The following SAMD10 variants were observed in gnomAD, a reference collection of about 807,000 sequenced individuals.
The protein encoded by SAMD10 is sterile alpha motif domain-containing protein 10.
A neutral mutation model predicts 22.5 loss-of-function variants in SAMD10; 16 were observed. The ratio of observed to expected loss-of-function variants is 0.71; its 90% CI spans 0.48 to 1.08. The LOEUF is 1.08. Ranked by LOEUF, SAMD10 falls within the 50% of genes least tolerant of loss-of-function variation. SAMD10 has a pLI of 0.00. For missense variants in SAMD10, 227 were observed against 281.3 expected, an observed-to-expected ratio of 0.81 and a Z score of 1.38; for synonymous variants, 118 against 122.2, an observed-to-expected ratio of 0.97 and a Z score of 0.23.
Position 63,979,299 on chromosome 20 carries a change from C to A in SAMD10, c.91+78G>T. On this transcript the variant is annotated intron_variant, in intron 1 of 4. Transcript: ENST00000369886. The surrounding 1 kb of genome is among the most constrained non-coding windows in gnomAD (Gnocchi z 7.7). ...CACCGCCGCTCGAAGCCCGCCGGGT[C>A]CCGCCCCGCCCCCGTGCCTCTGGGT... is the stretch of plus-strand genomic sequence containing the variant. 9.2e-7 allele frequency: 1 copy of A among 1,089,234 alleles called. No individual in the cohort carries two copies. The allele number at this position is 1,089,234 out of a possible 1,614,324, so 67.5% of individuals were successfully genotyped here. A position where few individuals can be genotyped will look rare whatever the true frequency, so the allele number is the denominator to read the frequency against.
chr20:63,975,612 G>T (rs375188411), intron 4 of SAMD10, 80 bp from the exon 5 acceptor site: 17 of 1,579,448 alleles, frequency 1.1e-5, no homozygotes, highest in Non-Finnish European at 1.4e-5. Context: ...GCCTGCAGCC[G>T]ACCTCCTGAG....
At position 63,975,117 on chromosome 20, in the gene SAMD10, A is replaced by C. The variant is rs912238153; in HGVS notation, c.*393T>G. 2.7e-5 allele frequency: 7 copies of C among 262,194 alleles called. No individual in the cohort carries two copies. The highest frequency in any genetic ancestry group is 1.6e-4 in the African/African-American group (7 of 42,594). The allele number at this position is 262,194 out of a possible 1,614,324, so 16.2% of individuals were successfully genotyped here. On this transcript the variant is annotated 3_prime_UTR_variant, in exon 5 of 5. Coordinates refer to ENST00000369886, the MANE Select transcript of SAMD10 (RefSeq NM_080621.5). ...GGCTGGGTGGGTGGACAGACAAGTG[A>C]CTCAGCAGGCGATGGGGGACCGACA...
chr20:63,976,969 A>G lies in SAMD10; in HGVS notation c.445+2T>C. 1 of 1,613,976 alleles carries G rather than the reference A, an allele frequency of 6.2e-7. No homozygotes were observed. Among genetic ancestry groups the G allele is most frequent in the Non-Finnish European group, 8.5e-7 (1 of 1,179,946 alleles). On this transcript the variant is annotated splice_donor_variant, in intron 3 of 4. Transcript: ENST00000369886. LOFTEE classifies it high-confidence loss of function. The stretch of plus-strand genomic sequence containing the variant: ...CCCACAGCACCCTCAGCGCCACTGT[A>G]CCGGTGATGGCATGCTGGGAGAAGG...
upstream of SAMD10, chr20:63,979,701 A>C: frequency 1.0e-6 from 1 of 985,032 alleles, no homozygotes; most frequent in Non-Finnish European, 1.2e-6. This position sits in a 1 kb window ranked among gnomAD's most constrained non-coding sequence, Gnocchi z 7.7. Flanking sequence ...TGCGTGCACC[A>C]AGGCTGTCCG....
chr20:63,978,145 T>C, intron 1 of SAMD10: 1 of 441,854 alleles, frequency 2.3e-6, no homozygotes, highest in East Asian at 7.1e-5. Context: ...CAGCCATTGC[T>C]TGGGGACCCA....
chr20:63,976,472 G>A (rs1208960616), intron 3 of SAMD10, among the ~76,000 whole-genome samples: 1 of 151,710 alleles, frequency 6.6e-6, no homozygotes, highest in Non-Finnish European at 1.5e-5. Flanking sequence ...ACAGAAGAAA[G>A]GCAGAGAGGT....
Position 63,975,139 on chromosome 20 carries a change from G to A in SAMD10, c.*371C>T, listed in dbSNP as rs931484979. 21 of 292,890 alleles carry A rather than the reference G, an allele frequency of 7.2e-5. No individual in the cohort carries two copies. Among genetic ancestry groups the A allele is most frequent in the South Asian group, 4.1e-4 (12 of 29,224 alleles). 18.1% of individuals were successfully genotyped at this position (292,890 alleles called of 1,614,324 possible). On this transcript the variant is annotated 3_prime_UTR_variant, in exon 5 of 5. Transcript: ENST00000369886. ...GTGACTCAGCAGGCGATGGGGGACC[G>A]ACATCACGTGGAGAGGGGAATGTAA...
At position 63,974,449 on chromosome 20, in the gene SAMD10, G is replaced by C. The variant is rs2059007699; in HGVS notation, c.*1061C>G. 6.5e-6 allele frequency: 1 copy of C among 152,838 alleles called. No individual in the cohort carries two copies. Among genetic ancestry groups the C allele is most frequent in the Non-Finnish European group, 1.5e-5 (1 of 68,222 alleles). 9.5% of individuals were successfully genotyped at this position (152,838 alleles called of 1,614,324 possible). ...TCAAAGCACACAGAGGGGACTAGGG[G>C]CTCAGCCTCATCTGTCCCTGAGATT... On this transcript the variant is annotated 3_prime_UTR_variant, in exon 5 of 5. Transcript: ENST00000369886.
rs1348871991 is a variant in SAMD10 at position 63,975,704 on chromosome 20, GCTGCAGGCTCCGCCCCTCCTCACGCAC to G, written c.547_573del (p.Val183_Gln191del). 1 of 1,605,088 alleles carries G rather than the reference GCTGCAGGCTCCGCCCCTCCTCACGCAC, an allele frequency of 6.2e-7. No individual in the cohort carries two copies. The highest frequency in any genetic ancestry group is 8.5e-7 in the Non-Finnish European group (1 of 1,176,958). On this transcript the variant is annotated inframe_deletion, in exon 4 of 5. Coordinates refer to ENST00000369886, the MANE Select transcript of SAMD10 (RefSeq NM_080621.5). Reference sequence around the variant, plus strand: ...ACCTCACACTGACCTTGGCTGAGCAGCTGCAGGCTCCGCCCCTCCTCACGCACCTGCAGGCGGAGCACCTGCTGCAGC... The same window carrying G: ...ACCTCACACTGACCTTGGCTGAGCAGCTGCAGGCGGAGCACCTGCTGCAGC...
At position 63,979,554 on chromosome 20, in the gene SAMD10, C is replaced by T; in HGVS notation, c.-87G>A. 1 of 990,868 alleles carries T rather than the reference C, an allele frequency of 1.0e-6. No individual in the cohort carries two copies. The highest frequency in any genetic ancestry group is 1.2e-6 in the Non-Finnish European group (1 of 834,476). The allele number at this position is 990,868 out of a possible 1,614,324, so 61.4% of individuals were successfully genotyped here. A position where few individuals can be genotyped will look rare whatever the true frequency, so the allele number is the denominator to read the frequency against. On this transcript the variant is annotated 5_prime_UTR_variant, in exon 1 of 5. Coordinates refer to ENST00000369886, the MANE Select transcript of SAMD10 (RefSeq NM_080621.5). This position sits in a 1 kb window ranked among gnomAD's most constrained non-coding sequence, Gnocchi z 7.7. ...GCCGGCGGGGAACGCGCGCCGCCGCCCCGCCCCGCCCCAGCCGGCCCCGCG... is the reference window on the plus strand; with the variant it reads ...GCCGGCGGGGAACGCGCGCCGCCGCTCCGCCCCGCCCCAGCCGGCCCCGCG...
chr20:63,975,412 C>T lies in SAMD10; in HGVS notation c.*98G>A, dbSNP rs817341. ...GGCCAGCCTGGCCGCCCCGGCATCC[C>T]GCAGGGTCCAAGAGGCGCTGCGGGG... On this transcript the variant is annotated 3_prime_UTR_variant, in exon 5 of 5. Transcript: ENST00000369886. 289,285 of 1,497,140 alleles carry T rather than the reference C, an allele frequency of 0.19. 31,551 individuals are homozygous for T. Among genetic ancestry groups the T allele is most frequent in the African/African-American group, 0.45 (31,965 of 70,930 alleles). 92.7% of individuals were successfully genotyped at this position (1,497,140 alleles called of 1,614,324 possible).
Position 63,979,597 on chromosome 20 carries a change from G to A in SAMD10, c.-130C>T. ...GCCCCGCGCCCGAGCCGGTCCCCGC[G>A]GCCCGCGAGTGTGCGCGACGAGGCA... On this transcript the variant is annotated 5_prime_UTR_variant, in exon 1 of 5. Transcript: ENST00000369886. The surrounding 1 kb of genome is among the most constrained non-coding windows in gnomAD (Gnocchi z 7.7). 1.0e-6 allele frequency: 1 copy of A among 984,378 alleles called. No homozygotes were observed. The highest frequency in any genetic ancestry group is 4.6e-5 in the South Asian group (1 of 21,854). The allele number at this position is 984,378 out of a possible 1,614,324, so 61.0% of individuals were successfully genotyped here.
rs545740514 is a variant in SAMD10 at position 63,974,185 on chromosome 20, A to G, written c.*1325T>C. ...TATAAAAAAGTGAGTGCAGCAAAAC[A>G]AGGAAGACGAGACAGGCGTGCGTGG... is the stretch of plus-strand genomic sequence containing the variant. On this transcript the variant is annotated 3_prime_UTR_variant, in exon 5 of 5. Coordinates refer to ENST00000369886, the MANE Select transcript of SAMD10 (RefSeq NM_080621.5). 6.6e-6 allele frequency: 1 copy of G among 152,336 alleles called. No homozygotes were observed. The highest frequency in any genetic ancestry group is 1.5e-5 in the Non-Finnish European group (1 of 68,052). The allele number at this position is 152,336 out of a possible 1,614,324, so 9.4% of individuals were successfully genotyped here.
chr20:63,975,384 T>C lies in SAMD10; in HGVS notation c.*126A>G. On this transcript the variant is annotated 3_prime_UTR_variant, in exon 5 of 5. Coordinates refer to ENST00000369886, the MANE Select transcript of SAMD10 (RefSeq NM_080621.5). ...GTGTGATCCTGGTCCTGTCTGTCCG[T>C]TGGGCCAGCCTGGCCGCCCCGGCAT... The C allele has an allele frequency of 4.2e-6, 5 of 1,184,790 alleles. No homozygotes were observed. The highest frequency in any genetic ancestry group is 1.3e-5 in the South Asian group (1 of 77,344). The allele number at this position is 1,184,790 out of a possible 1,614,324, so 73.4% of individuals were successfully genotyped here.
At position 63,977,727 on chromosome 20, in the gene SAMD10, T is replaced by C. The variant is rs2059034984; in HGVS notation, c.92-321A>G. Among the ~76,000 whole-genome samples, 1 of 152,218 alleles carries C rather than the reference T, an allele frequency of 6.6e-6. No individual in the cohort carries two copies. The highest frequency in any genetic ancestry group is 1.5e-5 in the Non-Finnish European group (1 of 68,032). On this transcript the variant is annotated intron_variant, in intron 1 of 4. Coordinates refer to ENST00000369886, the MANE Select transcript of SAMD10 (RefSeq NM_080621.5). The surrounding 1 kb of genome is among the most constrained non-coding windows in gnomAD (Gnocchi z 5.4). ...CTGAGACATATGACAAGAGGAGCTA[T>C]CCTGGGACAGCCCTGACCTCACCCT...
Position 63,977,994 on chromosome 20 carries a change from A to T in SAMD10, c.92-588T>A, listed in dbSNP as rs983581493. Among the ~76,000 whole-genome samples the T allele has an allele frequency of 6.6e-6, 1 of 152,212 alleles. No homozygotes were observed. Among genetic ancestry groups the T allele is most frequent in the African/African-American group, 2.4e-5 (1 of 41,454 alleles). ...CAGCCTGAACTGTGGGCCAACTGAC[A>T]AGCAGGGCTCACTCCGCAAACACGC... On this transcript the variant is annotated intron_variant, in intron 1 of 4. Transcript: ENST00000369886. This position sits in a 1 kb window ranked among gnomAD's most constrained non-coding sequence, Gnocchi z 5.4.
In SAMD10 at chr20:63,979,517, G is replaced by C; in HGVS notation, c.-50C>G. The C allele has an allele frequency of 1.8e-6, 2 of 1,131,344 alleles. No homozygotes were observed. The highest frequency in any genetic ancestry group is 2.2e-6 in the Non-Finnish European group (2 of 924,008). 70.1% of individuals were successfully genotyped at this position (1,131,344 alleles called of 1,614,324 possible). ...GCACACGCCCCTCGCCGAGTGCAGGGCGGCCGGTGTGGCCGGCGGGGAACG... is the reference window on the plus strand; with the variant it reads ...GCACACGCCCCTCGCCGAGTGCAGGCCGGCCGGTGTGGCCGGCGGGGAACG... On this transcript the variant is annotated 5_prime_UTR_variant, in exon 1 of 5. Coordinates refer to ENST00000369886, the MANE Select transcript of SAMD10 (RefSeq NM_080621.5). The surrounding 1 kb of genome is among the most constrained non-coding windows in gnomAD (Gnocchi z 7.7).
upstream of SAMD10, chr20:63,979,846 C>G (rs1035277949): frequency 4.5e-6 from 1 of 224,664 alleles, no homozygotes; most frequent in African/African-American, 2.3e-5. The surrounding 1 kb of genome is among the most constrained non-coding windows in gnomAD (Gnocchi z 7.7). Flanking sequence ...CAGGGGTCTT[C>G]TACCTACCGG....
intron 1 of SAMD10, chr20:63,978,346 T>C (rs2059039274): frequency 3.1e-6 from 4 of 1,292,378 alleles, no homozygotes; most frequent in South Asian, 1.2e-5. Flanking sequence ...GTATGGTATC[T>C]GCAAGTGAAC....
Sources: gnomAD v4.1 joint callset for allele counts (sites outside exome capture counted in the v4.1 genomes callset) on GRCh38, gnomAD v4.1.1 for gene constraint, Gnocchi (gnomAD v3.1) non-coding constraint, MANE v1.5 for transcripts, NCBI Gene and HGNC (gene_info 2026-07-23, HGNC 2026-07-21) for gene names.